The following ABCA8 variants were observed in gnomAD, a reference collection of about 807,000 sequenced individuals.
The protein encoded by ABCA8 is ABC-type organic anion transporter ABCA8.
In ABCA8, 177 loss-of-function variants were observed where a neutral mutation model predicts 192.3. The observed-to-expected ratio is 0.92, with a 90% CI of 0.81 to 1.04. ABCA8 has a LOEUF of 1.04. ABCA8 is among the 50% of genes least tolerant of loss of function. The probability of loss-of-function intolerance (pLI) is 0.00; values close to 1 mark genes in which losing one functional copy is unlikely to be tolerated. For missense variants in ABCA8, 1,915 were observed against 1,904.8 expected, an observed-to-expected ratio of 1.01 and a Z score of -0.10; for synonymous variants, 642 against 690.2, an observed-to-expected ratio of 0.93 and a Z score of 1.09.
intron 33 of ABCA8, 70 bp from the exon 34 acceptor site, chr17:68,876,773 G>C: frequency 2.5e-6 from 4 of 1,591,048 alleles, no homozygotes; most frequent in Non-Finnish European, 3.4e-6. Context: ...ACCCAAGCAA[G>C]GGTGGAGAAG....
chr17:68,921,039 T>C (rs1366890166), intron 13 of ABCA8, among the ~76,000 whole-genome samples: 7 of 152,236 alleles, frequency 4.6e-5, no homozygotes, highest in Non-Finnish European at 4.4e-5. Flanking sequence ...GATGAGTTCG[T>C]GTCCTTTGTA....
rs766681805 is a variant in ABCA8 at position 68,932,371 on chromosome 17, G to C, written c.714C>G (p.Tyr238Ter). ...CTCTTGTGACATTAACAGATGCATAGTAAATGAATGAGGAAAATGAAATAA... is the reference window on the plus strand; with the variant it reads ...CTCTTGTGACATTAACAGATGCATACTAAATGAATGAGGAAAATGAAATAA... ...SCIISFSSFI[Y>*]YASVNVTRER... Residue 238 changes from tyrosine to a stop codon, truncating the protein, a stop_gained, in exon 7 of 40, where the codon TAC (tyrosine) becomes TAG (stop). Coordinates refer to ENST00000586539, the MANE Select transcript of ABCA8 (RefSeq NM_001288985.2). LOFTEE classifies it high-confidence loss of function. 1 of 1,613,858 alleles carries C rather than the reference G, an allele frequency of 6.2e-7. No homozygotes were observed. Among genetic ancestry groups the C allele is most frequent in the Non-Finnish European group, 8.5e-7 (1 of 1,179,896 alleles).
At chr17:68,941,003 A>T in intron 3 of ABCA8, 41 bp from the exon 4 acceptor site, 1 of 1,456,372 alleles carries the variant, frequency 6.9e-7, no homozygotes, top group Non-Finnish European at 9.5e-7. Flanking sequence ...AGTCTTATTT[A>T]AAATTAGTCA....
At chr17:68,907,223 A>G (rs892485502) in intron 18 of ABCA8, among the ~76,000 whole-genome samples, 2 of 152,142 alleles carry the variant, frequency 1.3e-5, no homozygotes, top group African/African-American at 4.8e-5. Context: ...ATGAATGTAT[A>G]TGTCTTTGTT....
intron 1 of ABCA8, among the ~76,000 whole-genome samples, chr17:68,954,681 C>T (rs1464518375): frequency 1.3e-5 from 2 of 152,192 alleles, no homozygotes; most frequent in East Asian, 1.9e-4. Flanking sequence ...CTGTATCCAA[C>T]GAGTAAAAGA....
chr17:68,920,298 G>A (rs957975263), intron 13 of ABCA8, among the ~76,000 whole-genome samples: 1 of 151,940 alleles, frequency 6.6e-6, no homozygotes, highest in Admixed American at 6.6e-5. Flanking sequence ...ATAACTATTG[G>A]GTACTGGGCT....
At chr17:68,870,106 G>A (rs1301692751) in intron 37 of ABCA8, among the ~76,000 whole-genome samples, 1 of 152,150 alleles carries the variant, frequency 6.6e-6, no homozygotes. Context: ...AACAGATAAA[G>A]CTATTCAGAT....
chr17:68,932,916 G>T (rs2067946449), intron 6 of ABCA8, among the ~76,000 whole-genome samples: 1 of 152,188 alleles, frequency 6.6e-6, no homozygotes, highest in African/African-American at 2.4e-5. Flanking sequence ...TTATAGTTCT[G>T]TAATAGTCTA....
At chr17:68,900,889 A>T (rs1012698822) in intron 21 of ABCA8, among the ~76,000 whole-genome samples, 1 of 152,132 alleles carries the variant, frequency 6.6e-6, no homozygotes, top group African/African-American at 2.4e-5. Context: ...ACAAAAAAAA[A>T]CTAGAAAAAG....
intron 17 of ABCA8, among the ~76,000 whole-genome samples, chr17:68,912,769 C>CAG (rs141921261): frequency 1.6e-3 from 236 of 149,898 alleles, no homozygotes; most frequent in African/African-American, 5.0e-3. Flanking sequence ...AGGCTAAAGA[C>CAG]AGAGAGAGAG....
rs779473257 is a variant in ABCA8 at position 68,933,200 on chromosome 17, G to A, written c.538C>T (p.Leu180Phe). The change falls in exon 6 of 40, where the codon CTT becomes TTT. Residue 180 changes from leucine to phenylalanine, a missense_variant. Transcript: ENST00000586539. ...ATAGCAGCATTAATGGCAGCTTGAA[G>A]AGCCACAAAACCTTCCTTCCAAAAT... ...SVFWKEGFVA[L>F]QAAINAAIIE... The A allele has an allele frequency of 1.1e-5, 17 of 1,613,056 alleles. No individual in the cohort carries two copies. The East Asian group carries it at 3.1e-4, about 30-fold the overall frequency.
Position 68,924,642 on chromosome 17 carries a change from AG to A in ABCA8, c.1442+58del, listed in dbSNP as rs1323404870. 1.9e-6 allele frequency: 3 copies of A among 1,553,822 alleles called. No individual in the cohort carries two copies. In the African/African-American group the frequency reaches 4.1e-5, roughly 21 times the overall value. Reference sequence around the variant, plus strand: ...CACAAAAGGGAACACTGCTTGCCTCAGGTGCTATCTCTTAGCTTCCTGCCTT... The same window carrying A: ...CACAAAAGGGAACACTGCTTGCCTCAGTGCTATCTCTTAGCTTCCTGCCTT... On this transcript the variant is annotated intron_variant, in intron 11 of 39. Coordinates refer to ENST00000586539, the MANE Select transcript of ABCA8 (RefSeq NM_001288985.2).
chr17:68,882,843 C>A, intron 29 of ABCA8, 124 bp from the exon 30 acceptor site: 1 of 809,802 alleles, frequency 1.2e-6, no homozygotes, highest in Non-Finnish European at 1.9e-6. Flanking sequence ...TCTCCCTTCA[C>A]AACTCTCATC....
chr17:68,933,914 T>C (rs924737564), intron 5 of ABCA8, among the ~76,000 whole-genome samples: 3 of 152,136 alleles, frequency 2.0e-5, no homozygotes, highest in Non-Finnish European at 4.4e-5. Flanking sequence ...ATACGAATGA[T>C]ATAAAAATAC....
intron 30 of ABCA8, 116 bp from the exon 31 acceptor site, chr17:68,882,096 G>C: frequency 1.2e-6 from 1 of 830,482 alleles, no homozygotes; most frequent in Admixed American, 2.1e-5. Context: ...CATCAAAGAA[G>C]ACCTTCTATT....
At chr17:68,941,865 A>G (rs1475970576) in intron 3 of ABCA8, 74 bp downstream of exon 3, 1 of 1,023,410 alleles carries the variant, frequency 9.8e-7, no homozygotes, top group African/African-American at 1.6e-5. Flanking sequence ...GGAGATACAC[A>G]TGGCATAGAT....
chr17:68,887,906 A>ATATATATATATATATATATATATATC (rs370830810), intron 24 of ABCA8, among the ~76,000 whole-genome samples: 1 of 60,884 alleles, frequency 1.6e-5, no homozygotes, highest in African/African-American at 9.5e-5. Context: ...ATATATATAT[A>ATATATATATATATATATATATATATC]TCCATATATA....
intron 17 of ABCA8, 35 bp from the exon 18 acceptor site, chr17:68,907,914 A>C: frequency 6.5e-7 from 1 of 1,536,286 alleles, no homozygotes; most frequent in Non-Finnish European, 8.7e-7. Flanking sequence ...GACATATGTT[A>C]CTCGACATAG....
At chr17:68,928,841 T>A (rs955103283) in intron 9 of ABCA8, among the ~76,000 whole-genome samples, 1 of 152,238 alleles carries the variant, frequency 6.6e-6, no homozygotes, top group East Asian at 1.9e-4. Flanking sequence ...TGTATGTTGA[T>A]CCTCTTTTTT....
Sources: allele counts gnomAD v4.1 joint callset (sites outside exome capture counted in the v4.1 genomes callset), GRCh38; gene constraint gnomAD v4.1.1; transcripts MANE v1.5; gene names NCBI Gene and HGNC (gene_info 2026-07-23, HGNC 2026-07-21).